GALNT1: variants seen among roughly 807,000 people sequenced by gnomAD.
The protein encoded by GALNT1 is GalNAc transferase 1.
Under a neutral mutation model 65.7 loss-of-function variants are expected in GALNT1, and 17 were observed. The ratio of observed to expected loss-of-function variants is 0.26; its 90% CI spans 0.18 to 0.39. The LOEUF is 0.39. Among genes scored for constraint, GALNT1 ranks in the 10% least tolerant of loss-of-function variants. The pLI is 1.00. For synonymous variants in GALNT1, 210 were observed against 219.7 expected, an observed-to-expected ratio of 0.96 and a Z score of 0.39; for missense variants, 460 against 672.8, an observed-to-expected ratio of 0.68 and a Z score of 3.50.
intron 1 of GALNT1, among the ~76,000 whole-genome samples, chr18:35,614,243 A>G (rs1241823055): frequency 6.6e-6 from 1 of 152,190 alleles, no homozygotes; most frequent in Non-Finnish European, 1.5e-5. Context: ...TAAAGGAAAT[A>G]CTGGATATTG....
At chr18:35,644,260 C>T (rs2047202033) in intron 1 of GALNT1, among the ~76,000 whole-genome samples, 1 of 152,148 alleles carries the variant, frequency 6.6e-6, no homozygotes. Flanking sequence ...TTGTTAAATA[C>T]TTATGTTGAA....
intron 9 of GALNT1, among the ~76,000 whole-genome samples, chr18:35,701,261 A>C (rs1179219527): frequency 6.6e-6 from 1 of 152,082 alleles, no homozygotes; most frequent in Non-Finnish European, 1.5e-5. Flanking sequence ...TTTTGTAGAG[A>C]CAAGGTCTTG....
chr18:35,635,824 AATG>A (rs1005326401), intron 1 of GALNT1, among the ~76,000 whole-genome samples: 1 of 152,046 alleles, frequency 6.6e-6, no homozygotes, highest in Non-Finnish European at 1.5e-5. Flanking sequence ...TGTATTATAT[AATG>A]ATATGTGTTA....
At chr18:35,694,443 C>G (rs1327721542) in intron 9 of GALNT1, among the ~76,000 whole-genome samples, 3 of 152,138 alleles carry the variant, frequency 2.0e-5, no homozygotes, top group African/African-American at 7.2e-5. Context: ...GGCAAGGATA[C>G]TGAAAAATTG....
rs767676488 is a variant in GALNT1, at chr18:35,654,631, A to T, written c.-32A>T. ...GATCTTTGTATATTTATATATATAT[A>T]TTTTTAAATTTTGCATTTGACTTAA... On this transcript the variant is annotated 5_prime_UTR_variant, in exon 2 of 12. Transcript: ENST00000269195. The T allele has an allele frequency of 1.4e-4, 175 of 1,227,546 alleles. No individual in the cohort carries two copies. Among genetic ancestry groups the T allele is most frequent in the Non-Finnish European group, 1.7e-4 (162 of 951,088 alleles). The allele number at this position is 1,227,546 out of a possible 1,614,324, so 76.0% of individuals were successfully genotyped here.
At chr18:35,705,767 AT>A (rs2048246997) in intron 11 of GALNT1, among the ~76,000 whole-genome samples, 1 of 152,234 alleles carries the variant, frequency 6.6e-6, no homozygotes, top group Non-Finnish European at 1.5e-5. Flanking sequence ...ATAGGGATTT[AT>A]TTTTCTTACA....
chr18:35,665,795 T>C (rs1203759191), intron 3 of GALNT1, among the ~76,000 whole-genome samples: 4 of 152,238 alleles, frequency 2.6e-5, no homozygotes, highest in African/African-American at 9.6e-5. Context: ...TTTTTGGACA[T>C]GCAAGATCTC....
At chr18:35,649,153 G>A (rs2047277500) in intron 1 of GALNT1, among the ~76,000 whole-genome samples, 1 of 152,188 alleles carries the variant, frequency 6.6e-6, no homozygotes, top group Non-Finnish European at 1.5e-5. Context: ...TTCCAGAGAG[G>A]CTGTACCATT....
intron 9 of GALNT1, among the ~76,000 whole-genome samples, chr18:35,699,361 ATTTAAG>A (rs2048117371): frequency 2.8e-4 from 43 of 152,162 alleles, no homozygotes; most frequent in Admixed American, 2.8e-3. Context: ...TCTGCCTTTT[ATTTAAG>A]GGTTCCTGAT....
intron 1 of GALNT1, among the ~76,000 whole-genome samples, chr18:35,614,292 C>A (rs1425375105): frequency 6.6e-6 from 1 of 151,982 alleles, no homozygotes; most frequent in African/African-American, 2.4e-5. Context: ...CTTGGTTCTG[C>A]ATTAGAAGGA....
At chr18:35,582,016 G>C (rs1340267778) in intron 1 of GALNT1, among the ~76,000 whole-genome samples, 154 bp downstream of exon 1, 3 of 151,962 alleles carry the variant, frequency 2.0e-5, no homozygotes, top group Admixed American at 6.5e-5. Flanking sequence ...GCGCGGGTTC[G>C]GGTCTGGGAC....
intron 1 of GALNT1, among the ~76,000 whole-genome samples, chr18:35,645,042 A>G (rs1344057284): frequency 1.3e-5 from 2 of 151,840 alleles, no homozygotes; most frequent in Non-Finnish European, 2.9e-5. Context: ...CCATTCCCCA[A>G]AGCCTCATTT....
rs1000562876 is a variant in GALNT1 at position 35,690,955 on chromosome 18, G to A, written c.979-57G>A. On this transcript the variant is annotated intron_variant, in intron 7 of 11. Coordinates refer to ENST00000269195, the MANE Select transcript of GALNT1 (RefSeq NM_020474.4). ...AGAAAAATACTATGGGAAAACTAAGGTGAACATTTCCTGATTACTCAGCTA... is the reference window on the plus strand; with the variant it reads ...AGAAAAATACTATGGGAAAACTAAGATGAACATTTCCTGATTACTCAGCTA... 38 of 1,413,052 alleles carry A rather than the reference G, an allele frequency of 2.7e-5. No individual in the cohort carries two copies. The African/African-American group carries it at 5.5e-4, about 20-fold the overall frequency. The allele number at this position is 1,413,052 out of a possible 1,614,324, so 87.5% of individuals were successfully genotyped here.
At chr18:35,655,317 G>A (rs535791232) in intron 2 of GALNT1, among the ~76,000 whole-genome samples, 1 of 150,464 alleles carries the variant, frequency 6.6e-6, no homozygotes, top group African/African-American at 2.4e-5. Flanking sequence ...TGAAAAGATT[G>A]GGTGATAGAA....
intron 1 of GALNT1, among the ~76,000 whole-genome samples, chr18:35,630,411 A>G (rs1473272106): frequency 1.3e-5 from 2 of 152,146 alleles, no homozygotes; most frequent in East Asian, 3.8e-4. Context: ...ACTCAAAACC[A>G]CCAAACTACA....
intron 2 of GALNT1, chr18:35,659,857 G>A (rs1053825246): frequency 1.3e-5 from 2 of 152,096 alleles, no homozygotes; most frequent in Non-Finnish European, 2.9e-5. Flanking sequence ...TATATATGCA[G>A]CGCAGGTAAA....
intron 1 of GALNT1, among the ~76,000 whole-genome samples, chr18:35,630,143 A>G (rs928482126): frequency 4.6e-5 from 7 of 152,180 alleles, no homozygotes; most frequent in Non-Finnish European, 7.4e-5. Flanking sequence ...AGACAGATCA[A>G]TGAGACAGAA....
intron 1 of GALNT1, among the ~76,000 whole-genome samples, chr18:35,617,533 A>G (rs1430621971): frequency 3.9e-5 from 6 of 152,214 alleles, no homozygotes; most frequent in African/African-American, 1.4e-4. Flanking sequence ...ACCTGTATCC[A>G]TTCTCCAGAT....
At chr18:35,603,069 G>A (rs60419686) in intron 1 of GALNT1, among the ~76,000 whole-genome samples, 14,910 of 152,102 alleles carry the variant, frequency 0.098, 898 homozygotes, top group African/African-American at 0.18. Flanking sequence ...GCACTGCATG[G>A]TGCCTTAAGT....
Sources: gnomAD v4.1 joint callset for allele counts (sites outside exome capture counted in the v4.1 genomes callset) on GRCh38, gnomAD v4.1.1 for gene constraint, MANE v1.5 for transcripts, NCBI Gene and HGNC (gene_info 2026-07-23, HGNC 2026-07-21) for gene names.